Variants in VWA3B observed in about 807,000 individuals in gnomAD.
VWA3B encodes von Willebrand factor A domain-containing protein 3B.
Under a neutral mutation model 158.3 loss-of-function variants are expected in VWA3B, and 138 were observed. The observed-to-expected ratio is 0.87, with a 90% CI of 0.76 to 1.00. The LOEUF is 1.00. VWA3B is among the 50% of genes least tolerant of loss of function. The pLI, the probability that VWA3B is intolerant of heterozygous loss-of-function variation, is 0.00. For synonymous variants in VWA3B, 596 were observed against 587.3 expected, an observed-to-expected ratio of 1.01 and a Z score of -0.21; for missense variants, 1,555 against 1,565.1, an observed-to-expected ratio of 0.99 and a Z score of 0.11.
chr2:98,165,706 G>T (rs1277831101), intron 8 of VWA3B, among the ~76,000 whole-genome samples: 1 of 152,066 alleles, frequency 6.6e-6, no homozygotes, highest in African/African-American at 2.4e-5. Context: ...TGGGTGTCCT[G>T]ACCTGGGCTT....
chr2:98,215,534 T>C (rs953115705), intron 13 of VWA3B, among the ~76,000 whole-genome samples: 2 of 151,988 alleles, frequency 1.3e-5, no homozygotes, highest in African/African-American at 2.4e-5. Flanking sequence ...TTTCTTTTCT[T>C]TGAGACAGAG....
intron 5 of VWA3B, among the ~76,000 whole-genome samples, chr2:98,124,947 T>G (rs1260732055): frequency 6.6e-6 from 1 of 152,232 alleles, no homozygotes; most frequent in East Asian, 1.9e-4. Context: ...GGCTCCTCCC[T>G]ACTTGATGTC....
At chr2:98,151,756 A>C (rs1325734481) in intron 7 of VWA3B, among the ~76,000 whole-genome samples, 1 of 152,244 alleles carries the variant, frequency 6.6e-6, no homozygotes, top group Non-Finnish European at 1.5e-5. Context: ...ATTTATAAAA[A>C]TCGGAATAAT....
At chr2:98,256,938 G>A (rs1687191546) in intron 21 of VWA3B, among the ~76,000 whole-genome samples, 2 of 152,014 alleles carry the variant, frequency 1.3e-5, no homozygotes, top group Non-Finnish European at 1.5e-5. Context: ...TTATCCCTTT[G>A]TGTTGGGAAC....
intron 14 of VWA3B, among the ~76,000 whole-genome samples, chr2:98,224,312 T>C (rs1230110640): frequency 1.3e-5 from 2 of 152,174 alleles, no homozygotes; most frequent in African/African-American, 4.8e-5. Flanking sequence ...AATAGATCTA[T>C]CCTTTTCTTC....
chr2:98,181,667 G>A (rs985462553), intron 9 of VWA3B, among the ~76,000 whole-genome samples: 2 of 152,176 alleles, frequency 1.3e-5, no homozygotes, highest in South Asian at 4.1e-4. Flanking sequence ...TAAGGAGTCA[G>A]ATCCTCCAAA....
chr2:98,317,089 A>G (rs1398009169), downstream of VWA3B, among the ~76,000 whole-genome samples: 1 of 152,258 alleles, frequency 6.6e-6, no homozygotes, highest in Non-Finnish European at 1.5e-5. Context: ...GACTGTACCT[A>G]GAATAAACTT....
At chr2:98,143,617 G>C (rs926838754) in intron 7 of VWA3B, among the ~76,000 whole-genome samples, 18 of 151,976 alleles carry the variant, frequency 1.2e-4, no homozygotes, top group Non-Finnish European at 2.4e-4. Context: ...TATATTCAGG[G>C]AACTCAAATA....
intron 5 of VWA3B, among the ~76,000 whole-genome samples, chr2:98,123,958 C>T (rs1005894616): frequency 6.6e-6 from 1 of 152,220 alleles, no homozygotes; most frequent in Non-Finnish European, 1.5e-5. Flanking sequence ...TGTTCTTAGC[C>T]TCTCTTCTAT....
intron 26 of VWA3B, among the ~76,000 whole-genome samples, chr2:98,311,188 G>A (rs1053613615): frequency 6.6e-6 from 1 of 152,198 alleles, no homozygotes; most frequent in Non-Finnish European, 1.5e-5. Flanking sequence ...TCCCAAAACG[G>A]TGAGCCATGG....
At chr2:98,330,081 C>T in the VWA3B span, among the ~76,000 whole-genome samples, 1 of 152,190 alleles carries the variant, frequency 6.6e-6, no homozygotes, top group Non-Finnish European at 1.5e-5. Flanking sequence ...ACATCTGGGA[C>T]TGCTGCTCTC....
At chr2:98,165,932 C>T (rs1679030744) in intron 8 of VWA3B, among the ~76,000 whole-genome samples, 1 of 152,170 alleles carries the variant, frequency 6.6e-6, no homozygotes, top group Non-Finnish European at 1.5e-5. Flanking sequence ...GAATGGGGAG[C>T]CTGCTGCTAA....
At chr2:98,293,479 C>T (rs1272322747) in intron 23 of VWA3B, among the ~76,000 whole-genome samples, 1 of 152,170 alleles carries the variant, frequency 6.6e-6, no homozygotes, top group African/African-American at 2.4e-5. Flanking sequence ...CTGGGAATAA[C>T]TTTACTTTCA....
intron 11 of VWA3B, among the ~76,000 whole-genome samples, chr2:98,193,359 A>T (rs925877140): frequency 6.6e-6 from 1 of 152,050 alleles, no homozygotes; most frequent in Non-Finnish European, 1.5e-5. Context: ...TCAAATGTTT[A>T]TTGGGGATGC....
chr2:98,230,197 C>T lies in VWA3B; in HGVS notation c.2298C>T (p.Val766=), dbSNP rs767179009. Residue 766 remains valine (V), a synonymous_variant, in exon 16 of 28, where the codon GTC becomes GTT. Coordinates refer to ENST00000477737, the MANE Select transcript of VWA3B (RefSeq NM_144992.5). ...ATCAAAAGGTTCAGAAAAAGAAAGT[C>T]CTTCACGCAGGTATCAGTGAACAAA... is the stretch of plus-strand genomic sequence containing the variant. ...LSDQKVQKKK[V]LHAESTKTSL... is the part of the protein sequence containing the mutation. 17 of 1,576,008 alleles carry T rather than the reference C, an allele frequency of 1.1e-5. No individual in the cohort carries two copies. The highest frequency in any genetic ancestry group is 1.5e-5 in the Non-Finnish European group (17 of 1,168,222).
Position 98,100,436 on chromosome 2 carries a change from A to C in VWA3B, c.196+7148A>C, listed in dbSNP as rs546290117. ...TGTGGCTGATACAGTGTTGGGGCACACCCAAAGTCCATGGCCACTGAGGCT... is the reference window on the plus strand; with the variant it reads ...TGTGGCTGATACAGTGTTGGGGCACCCCCAAAGTCCATGGCCACTGAGGCT... On this transcript the variant is annotated intron_variant, in intron 2 of 27. Coordinates refer to ENST00000477737, the MANE Select transcript of VWA3B (RefSeq NM_144992.5). Among the ~76,000 whole-genome samples, 3 of 152,336 alleles carry C rather than the reference A, an allele frequency of 2.0e-5. No homozygotes were observed. The South Asian group carries it at 6.2e-4, about 32-fold the overall frequency.
At position 98,312,026 on chromosome 2, in the gene VWA3B, G is replaced by A; in HGVS notation, c.3729G>A (p.Glu1243=). 1 of 1,597,534 alleles carries A rather than the reference G, an allele frequency of 6.3e-7. No homozygotes were observed. The highest frequency in any genetic ancestry group is 8.5e-7 in the Non-Finnish European group (1 of 1,171,704). Reference sequence around the variant, plus strand: ...GGTCCTGCCAGGGGACACACCCCGAGCCCAGGGTTTGGGTGATGGGGGGGG... The same window carrying A: ...GGTCCTGCCAGGGGACACACCCCGAACCCAGGGTTTGGGTGATGGGGGGGG... ...SHGSCQGTHP[E]PRTAHLHFPA... is the part of the protein sequence containing the mutation. Residue 1243 remains glutamate (E), a synonymous_variant, in exon 27 of 28, where the codon GAG becomes GAA. Coordinates refer to ENST00000477737, the MANE Select transcript of VWA3B (RefSeq NM_144992.5).
chr2:98,166,744 T>G lies in VWA3B; in HGVS notation c.1114+3768T>G, dbSNP rs375993725. Among the ~76,000 whole-genome samples the G allele has an allele frequency of 4.0e-5, 6 of 151,412 alleles. No homozygotes were observed. In the South Asian group the frequency reaches 1.3e-3, roughly 32 times the overall value. On this transcript the variant is annotated intron_variant, in intron 8 of 27. Transcript: ENST00000477737. ...GTTATTCCTAAAGGAAACAGATGAG[T>G]TATAAGCCTCAGATACTGGGCAATG...
chr2:98,266,796 C>T (rs1238617541), intron 21 of VWA3B, among the ~76,000 whole-genome samples: 13 of 137,454 alleles, frequency 9.5e-5, no homozygotes, highest in African/African-American at 3.0e-4. Context: ...GTATTTTATT[C>T]TCTTTGAAGC....
Sources: allele counts gnomAD v4.1 joint callset (sites outside exome capture counted in the v4.1 genomes callset), GRCh38; gene constraint gnomAD v4.1.1; transcripts MANE v1.5; gene names NCBI Gene and HGNC (gene_info 2026-07-23, HGNC 2026-07-21).